Variants in CA5B observed in about 807,000 individuals in gnomAD.
The protein encoded by CA5B is carbonic anhydrase 5B.
A neutral mutation model predicts 23.1 loss-of-function variants in CA5B; 15 were observed. That is an observed-to-expected ratio of 0.65 (90% CI 0.43 to 1.00). The LOEUF (loss-of-function observed/expected upper bound fraction) is 1.00. Among genes scored for constraint, CA5B ranks in the 50% least tolerant of loss-of-function variants. The pLI is 0.00. For missense variants in CA5B, 236 were observed against 252.2 expected, an observed-to-expected ratio of 0.94 and a Z score of 0.43; for synonymous variants, 84 against 98.5, an observed-to-expected ratio of 0.85 and a Z score of 0.87.
rs1932134606 is a variant in CA5B at position 15,787,296 on chromosome X, A to G, written c.*4632A>G. 8.9e-6 allele frequency: 1 copy of G among 112,294 alleles called. No individual in the cohort carries two copies. Among genetic ancestry groups the G allele is most frequent in the Non-Finnish European group, 1.9e-5 (1 of 53,274 alleles). The allele number at this position is 112,294 out of a possible 1,213,427, so 9.3% of individuals were successfully genotyped here. ...CCAACCTGTTTCAGGCAGTTCCTCC[A>G]TATCAGGATATTGCATTCCCAGTGC... On this transcript the variant is annotated 3_prime_UTR_variant, in exon 8 of 8. Transcript: ENST00000318636.
rs1045378736 is a variant in CA5B at position 15,757,281 on chromosome X, C to T, written c.142+7116C>T. On this transcript the variant is annotated intron_variant, in intron 2 of 7. Transcript: ENST00000318636. ...ATCCCAGCACTTTGGGAGGCCAAGG[C>T]GGGCAGATCACAAGGTCAAGAGATC... Among the ~76,000 whole-genome samples, 4 of 111,198 alleles carry T rather than the reference C, an allele frequency of 3.6e-5. No homozygotes were observed. In the East Asian group the frequency reaches 8.5e-4, roughly 24 times the overall value.
rs1266080104 is a variant in CA5B at position 15,784,476 on chromosome X, C to G, written c.*1812C>G. 8.9e-6 allele frequency: 1 copy of G among 112,066 alleles called. No homozygotes were observed. The highest frequency in any genetic ancestry group is 3.2e-5 in the African/African-American group (1 of 30,834). The allele number at this position is 112,066 out of a possible 1,213,427, so 9.2% of individuals were successfully genotyped here. On this transcript the variant is annotated 3_prime_UTR_variant, in exon 8 of 8. Coordinates refer to ENST00000318636, the MANE Select transcript of CA5B (RefSeq NM_007220.4). Reference sequence around the variant, plus strand: ...CAGATAGGCTAAAATCTAGATAATTCTACATATTCTGAGGAATTCATGCTC... The same window carrying G: ...CAGATAGGCTAAAATCTAGATAATTGTACATATTCTGAGGAATTCATGCTC...
Position 15,783,803 on chromosome X carries a change from A to AG in CA5B, c.*1139_*1140insG, listed in dbSNP as rs1555897815. 4.6e-5 allele frequency: 5 copies of AG among 108,800 alleles called. No homozygotes were observed. The highest frequency in any genetic ancestry group is 3.9e-4 in the South Asian group (1 of 2,561). The allele number at this position is 108,800 out of a possible 1,213,427, so 9.0% of individuals were successfully genotyped here. On this transcript the variant is annotated 3_prime_UTR_variant, in exon 8 of 8. Transcript: ENST00000318636. ...GAGACTCTGTGTCTAATAAAAAAAAAAAAAGAAAAGAAAAGAAAAAATGCT... is the reference window on the plus strand; with the variant it reads ...GAGACTCTGTGTCTAATAAAAAAAAAGAAAAGAAAAGAAAAGAAAAAATGCT...
chrX:15,769,702 A>T (rs1444940833), intron 3 of CA5B: 1 of 444,016 alleles, frequency 2.3e-6, no homozygotes, highest in Non-Finnish European at 2.8e-6. Flanking sequence ...ACACACACAC[A>T]GTTTAATGAT....
In CA5B at chrX:15,787,847, A is replaced by G. The variant is rs927130864; in HGVS notation, c.*5183A>G. On this transcript the variant is annotated 3_prime_UTR_variant, in exon 8 of 8. Transcript: ENST00000318636. ...CATGCACCTGTAATCCCAGCTACGC[A>G]GGAGGCTGAGGCAGAAGAATCGCTT... is the stretch of plus-strand genomic sequence containing the variant. 3.6e-5 allele frequency: 4 copies of G among 112,477 alleles called. No homozygotes were observed. Among genetic ancestry groups the G allele is most frequent in the Admixed American group, 1.9e-4 (2 of 10,600 alleles). The allele number at this position is 112,477 out of a possible 1,213,427, so 9.3% of individuals were successfully genotyped here.
At chrX:15,751,865 A>G (rs866147380) in intron 2 of CA5B, among the ~76,000 whole-genome samples, 5 of 111,826 alleles carry the variant, frequency 4.5e-5, no homozygotes, top group Middle Eastern at 4.6e-3. Flanking sequence ...CGTCTGCTCA[A>G]TTGTAAAGAC....
chrX:15,740,794 G>A (rs1601774735), intron 1 of CA5B, among the ~76,000 whole-genome samples: 1 of 112,577 alleles, frequency 8.9e-6, no homozygotes, highest in Admixed American at 9.3e-5. Context: ...CATGGCTCAC[G>A]CCTGTACGCC....
intron 4 of CA5B, among the ~76,000 whole-genome samples, chrX:15,773,060 C>A (rs1224233279): frequency 2.7e-5 from 3 of 111,014 alleles, no homozygotes; most frequent in African/African-American, 9.8e-5. Context: ...GCAAGGTTAA[C>A]CACGACTTTG....
chrX:15,752,726 A>C (rs1931399230), intron 2 of CA5B, among the ~76,000 whole-genome samples: 1 of 52,397 alleles, frequency 1.9e-5, no homozygotes, highest in Non-Finnish European at 3.8e-5. Context: ...CTCTGTCTCA[A>C]AAAAAAAAAA....
chrX:15,741,666 C>T (rs1400047399), intron 1 of CA5B, among the ~76,000 whole-genome samples: 4 of 108,930 alleles, frequency 3.7e-5, no homozygotes, highest in African/African-American at 1.3e-4. Context: ...AATCTCTAGA[C>T]GAGGTTTCAC....
chrX:15,742,204 C>T (rs1449558092), intron 1 of CA5B, among the ~76,000 whole-genome samples: 1 of 112,236 alleles, frequency 8.9e-6, no homozygotes, highest in East Asian at 2.8e-4. Flanking sequence ...AAAATTCAAC[C>T]ACTTCTTACC....
At position 15,780,681 on chromosome X, in the gene CA5B, C is replaced by A. The variant is rs747075128; in HGVS notation, c.775-1804C>A. ...TTTATCTTTGATACTTAGACTATTT[C>A]TAATCTTCTGCAATTAGCTGAATAA... On this transcript the variant is annotated intron_variant, in intron 7 of 7. Transcript: ENST00000318636. Among the ~76,000 whole-genome samples, 15 of 112,699 alleles carry A rather than the reference C, an allele frequency of 1.3e-4. No individual in the cohort carries two copies. The South Asian group carries it at 5.4e-3, about 41-fold the overall frequency.
Position 15,774,499 on chromosome X carries a change from A to T in CA5B, c.555+102A>T, listed in dbSNP as rs1011144724. The T allele has an allele frequency of 4.6e-4, 447 of 978,637 alleles. 2 individuals are homozygous for T. Among genetic ancestry groups the T allele is most frequent in the Non-Finnish European group, 1.6e-4 (113 of 717,414 alleles). The allele number at this position is 978,637 out of a possible 1,213,427, so 80.7% of individuals were successfully genotyped here. A position where few individuals can be genotyped will look rare whatever the true frequency, so the allele number is the denominator to read the frequency against. ...ACTTTAAGAATGTTGGGATCCATAC[A>T]TTGGTAAGATAAATAGTGCTTGAAG... On this transcript the variant is annotated intron_variant, in intron 5 of 7. Transcript: ENST00000318636.
At position 15,749,960 on chromosome X, in the gene CA5B, C is replaced by T. The variant is rs1931322103; in HGVS notation, c.-53-11C>T. On this transcript the variant is annotated splice_polypyrimidine_tract_variant and intron_variant, in intron 1 of 7. Coordinates refer to ENST00000318636, the MANE Select transcript of CA5B (RefSeq NM_007220.4). ...TTTACAGCTTTCCCTCCTCTGCCCT[C>T]ATCCCTCTAGATTATTAAGTTCCTG... The T allele has an allele frequency of 8.5e-6, 10 of 1,174,224 alleles. No individual in the cohort carries two copies. The South Asian group carries it at 1.7e-4, about 20-fold the overall frequency.
At chrX:15,765,163 CAG>C (rs1204888258) in intron 3 of CA5B, 3 of 118,454 alleles carry the variant, frequency 2.5e-5, no homozygotes, top group African/African-American at 9.7e-5. Context: ...ATTGTTTAAT[CAG>C]AGTTAACTTA....
intron 7 of CA5B, among the ~76,000 whole-genome samples, chrX:15,777,217 T>G (rs1250829998): frequency 8.9e-6 from 1 of 112,089 alleles, no homozygotes; most frequent in Admixed American, 9.5e-5. Context: ...TTCAAAACTG[T>G]TTAAAATCCT....
chrX:15,752,542 G>GA (rs201210359), intron 2 of CA5B, among the ~76,000 whole-genome samples: 1 of 109,743 alleles, frequency 9.1e-6, no homozygotes, highest in Non-Finnish European at 1.9e-5. Flanking sequence ...TGGCTAACAC[G>GA]GTGAAACCCC....
intron 1 of CA5B, among the ~76,000 whole-genome samples, chrX:15,741,871 T>C (rs147343593): frequency 0.027 from 3,013 of 111,925 alleles, 91 homozygotes; most frequent in African/African-American, 0.092. Flanking sequence ...TTCTTCCTTT[T>C]ATTCTCCTTT....
chrX:15,741,048 A>AC (rs748371228), intron 1 of CA5B, among the ~76,000 whole-genome samples: 2 of 107,810 alleles, frequency 1.9e-5, no homozygotes, highest in East Asian at 6.0e-4. Context: ...GGTGACAGAG[A>AC]CCCCATCTCG....
Sources: allele counts gnomAD v4.1 joint callset (sites outside exome capture counted in the v4.1 genomes callset), GRCh38; gene constraint gnomAD v4.1.1; transcripts MANE v1.5; gene names NCBI Gene and HGNC (gene_info 2026-07-23, HGNC 2026-07-21).